KDM4C: variants seen among roughly 807,000 people sequenced by gnomAD.
KDM4C encodes the protein lysine-specific demethylase 4C.
Under a neutral mutation model 129.3 loss-of-function variants are expected in KDM4C, and 81 were observed. The observed-to-expected ratio is 0.63, with a 90% confidence interval of 0.52 to 0.75. The LOEUF is 0.75. Ranked by LOEUF, KDM4C falls within the 30% of genes least tolerant of loss-of-function variation. The pLI is 0.00. For synonymous variants in KDM4C, 573 were observed against 456.1 expected, an observed-to-expected ratio of 1.26 and a Z score of -3.26; for missense variants, 1,457 against 1,304.0, an observed-to-expected ratio of 1.12 and a Z score of -1.81.
chr9:7,137,246 G>T (rs925579791), intron 19 of KDM4C, among the ~76,000 whole-genome samples: 3 of 152,198 alleles, frequency 2.0e-5, no homozygotes, highest in African/African-American at 7.2e-5. Flanking sequence ...AGTGGCCTTG[G>T]CAGGCTTACC....
chr9:6,859,758 C>G (rs548076879), intron 5 of KDM4C, among the ~76,000 whole-genome samples: 1 of 148,820 alleles, frequency 6.7e-6, no homozygotes, highest in African/African-American at 2.5e-5. Context: ...CCTAGCTACT[C>G]GGGAGGTGGG....
intron 8 of KDM4C, among the ~76,000 whole-genome samples, chr9:6,971,081 C>T (rs1831905878): frequency 6.6e-6 from 1 of 151,954 alleles, no homozygotes; most frequent in Non-Finnish European, 1.5e-5. Flanking sequence ...AATTTTTGTG[C>T]CAGTGGATGG....
intron 8 of KDM4C, among the ~76,000 whole-genome samples, chr9:6,922,753 G>A (rs6477128): frequency 0.61 from 92,087 of 152,104 alleles, 28,392 homozygotes; most frequent in Middle Eastern, 0.68. Flanking sequence ...TCTCAAAACA[G>A]AGAAATAAAC....
chr9:7,137,924 G>C lies in KDM4C; in HGVS notation c.2781+9688G>C, dbSNP rs184217166. 4.3e-4 allele frequency among the ~76,000 whole-genome samples: 66 copies of C among 152,324 alleles called. 2 individuals carry two copies. The East Asian group carries it at 0.011, about 26-fold the overall frequency. On this transcript the variant is annotated intron_variant, in intron 19 of 21. Coordinates refer to ENST00000381309, the MANE Select transcript of KDM4C (RefSeq NM_015061.6). ...AGTGAACTTAGATTCTTATTCGATA[G>C]ATATATCCAGAAGAAGTCAGTACTA...
At chr9:7,005,566 C>T (rs12683813) in intron 12 of KDM4C, among the ~76,000 whole-genome samples, 38,364 of 151,700 alleles carry the variant, frequency 0.25, 5,372 homozygotes, top group South Asian at 0.51. Context: ...GATTTATTAC[C>T]GAAATTTTGC....
chr9:6,811,242 C>T (rs74667634), intron 3 of KDM4C, among the ~76,000 whole-genome samples: 14,060 of 152,146 alleles, frequency 0.092, 866 homozygotes, highest in East Asian at 0.26. Context: ...CAACCTCCGC[C>T]TGCTGGGTTC....
intron 8 of KDM4C, among the ~76,000 whole-genome samples, chr9:6,949,285 A>T (rs1326139714): frequency 1.3e-5 from 2 of 150,010 alleles, no homozygotes; most frequent in African/African-American, 4.9e-5. Flanking sequence ...CACATCCCAG[A>T]TGATGGGTGG....
chr9:7,132,534 CA>C (rs1237116033), intron 19 of KDM4C, among the ~76,000 whole-genome samples: 2 of 152,186 alleles, frequency 1.3e-5, no homozygotes, highest in Admixed American at 6.5e-5. Flanking sequence ...AGTTAAACTC[CA>C]CATGCAATCT....
intron 5 of KDM4C, among the ~76,000 whole-genome samples, chr9:6,855,346 C>T (rs1839609694): frequency 1.3e-5 from 2 of 150,998 alleles, no homozygotes; most frequent in African/African-American, 4.9e-5. Context: ...GTAGTCCCAG[C>T]TACTCGGGAG....
At position 7,048,521 on chromosome 9, in the gene KDM4C, G is replaced by A. The variant is rs554024580; in HGVS notation, c.2316-571G>A. On this transcript the variant is annotated intron_variant, in intron 16 of 21. Transcript: ENST00000381309. The stretch of plus-strand genomic sequence containing the variant: ...AAAGTGAAAAAAGTAGGAAACTAGG[G>A]TATGAGATAAACTTCATTTCTTTTT... Among the ~76,000 whole-genome samples, 4 of 152,146 alleles carry A rather than the reference G, an allele frequency of 2.6e-5. No individual in the cohort carries two copies. In the South Asian group the frequency reaches 6.2e-4, roughly 24 times the overall value.
chr9:6,843,546 A>G (rs1381312899), intron 4 of KDM4C, among the ~76,000 whole-genome samples: 2 of 152,200 alleles, frequency 1.3e-5, no homozygotes, highest in Non-Finnish European at 2.9e-5. Flanking sequence ...TGGTCCTTTC[A>G]AGGTAGCCAC....
intron 4 of KDM4C, among the ~76,000 whole-genome samples, chr9:6,836,147 A>T (rs1835831929): frequency 6.6e-6 from 1 of 152,110 alleles, no homozygotes; most frequent in Non-Finnish European, 1.5e-5. Context: ...CCAGTTGAAT[A>T]AAAGTGCACA....
chr9:6,825,916 TC>T (rs2131268120), intron 4 of KDM4C, among the ~76,000 whole-genome samples: 1 of 152,284 alleles, frequency 6.6e-6, no homozygotes, highest in African/African-American at 2.4e-5. Flanking sequence ...GCTCAGGTGA[TC>T]CTTCCACCTC....
chr9:6,739,686 T>C (rs1468848946), intron 1 of KDM4C, among the ~76,000 whole-genome samples: 1 of 150,944 alleles, frequency 6.6e-6, no homozygotes, highest in Non-Finnish European at 1.5e-5. Context: ...GATATGGTAG[T>C]ATTAGAAACC....
intron 1 of KDM4C, among the ~76,000 whole-genome samples, chr9:6,746,083 G>A (rs147996788): frequency 0.022 from 3,333 of 151,892 alleles, 135 homozygotes; most frequent in African/African-American, 0.075. Context: ...TGGGATTACA[G>A]GCATGAGCCA....
intron 8 of KDM4C, among the ~76,000 whole-genome samples, chr9:6,918,460 T>C (rs1271526583): frequency 1.3e-5 from 2 of 152,206 alleles, no homozygotes; most frequent in African/African-American, 4.8e-5. Context: ...TTTGCTATTG[T>C]GAATAGCACT....
intron 8 of KDM4C, chr9:6,942,707 C>T (rs1274020527): frequency 1.3e-5 from 2 of 152,064 alleles, no homozygotes; most frequent in African/African-American, 4.8e-5. Flanking sequence ...TTGTGTACTT[C>T]CTTAAATTAA....
chr9:6,909,434 C>T lies in KDM4C; in HGVS notation c.921+16202C>T, dbSNP rs550948247. Among the ~76,000 whole-genome samples the T allele has an allele frequency of 4.6e-5, 7 of 152,264 alleles. No individual in the cohort carries two copies. In the South Asian group the frequency reaches 1.2e-3, roughly 27 times the overall value. ...TGATGACCATCTGATCTAGCACATC[C>T]AGTGGCATTGTGCATATTGGGATAG... On this transcript the variant is annotated intron_variant, in intron 8 of 21. Coordinates refer to ENST00000381309, the MANE Select transcript of KDM4C (RefSeq NM_015061.6).
chr9:6,888,783 T>G (rs981967647), intron 7 of KDM4C, among the ~76,000 whole-genome samples: 1 of 134,006 alleles, frequency 7.5e-6, no homozygotes, highest in Non-Finnish European at 1.6e-5. Flanking sequence ...TCTTCTGTGT[T>G]TTTTTTTTTT....
Sources: gnomAD v4.1 joint callset for allele counts (sites outside exome capture counted in the v4.1 genomes callset) on GRCh38, gnomAD v4.1.1 for gene constraint, MANE v1.5 for transcripts, NCBI Gene and HGNC (gene_info 2026-07-23, HGNC 2026-07-21) for gene names.